Variants in C2orf74 observed in about 807,000 individuals in gnomAD.
The protein encoded by C2orf74 is DPM1 ER membrane anchor 1.
C2orf74 carries 14 observed loss-of-function variants against 17.9 expected under a neutral mutation model. The ratio of observed to expected loss-of-function variants is 0.78; its 90% CI spans 0.52 to 1.22. The LOEUF (loss-of-function observed/expected upper bound fraction) is 1.22, where lower values mean the gene tolerates loss of function less well. Ranked by LOEUF, C2orf74 falls within the 50% of genes most tolerant of loss-of-function variation. The probability of loss-of-function intolerance (pLI) is 0.00; values close to 1 mark genes in which losing one functional copy is unlikely to be tolerated. For missense variants in C2orf74, 217 were observed against 218.4 expected (o/e 0.99, Z 0.04); for synonymous variants, 79 against 72.6 (o/e 1.09, Z -0.44).
At chr2:61,155,590 G>A (rs373244474) in intron 1 of C2orf74, among the ~76,000 whole-genome samples, 9 of 151,996 alleles carry the variant, frequency 5.9e-5, no homozygotes, top group East Asian at 3.9e-4. Flanking sequence ...GCGCGATCTC[G>A]GCTCACTGCA....
chr2:61,154,628 A>G (rs1463209427), intron 1 of C2orf74, among the ~76,000 whole-genome samples: 6 of 152,210 alleles, frequency 3.9e-5, no homozygotes, highest in Admixed American at 2.0e-4. Context: ...TGTAAATCCA[A>G]AAACATCCTA....
At chr2:61,160,318 G>T (rs564410025), upstream of C2orf74, among the ~76,000 whole-genome samples, 66 of 152,070 alleles carry the variant, frequency 4.3e-4, no homozygotes, top group African/African-American at 1.5e-3. Flanking sequence ...CTGCCCCCAC[G>T]CCTGGCTAAT....
intron 3 of C2orf74, 42 bp downstream of exon 3, chr2:61,162,997 G>C: frequency 6.4e-7 from 1 of 1,551,842 alleles, no homozygotes; most frequent in Non-Finnish European, 8.7e-7. Context: ...TTTTGTGTTT[G>C]ATAGTGGGGA....
chr2:61,151,143 C>G (rs1685215937), intron 1 of C2orf74, among the ~76,000 whole-genome samples: 1 of 151,420 alleles, frequency 6.6e-6, no homozygotes, highest in Non-Finnish European at 1.5e-5. Flanking sequence ...TGGTGAAACC[C>G]CGTCTCTACT....
upstream of C2orf74, among the ~76,000 whole-genome samples, chr2:61,159,034 G>T (rs1363108167): frequency 6.6e-6 from 1 of 152,064 alleles, no homozygotes; most frequent in African/African-American, 2.4e-5. Context: ...GTCTCACTCT[G>T]TCGCCAGGCT....
chr2:61,161,366 C>G (rs1165258958), upstream of C2orf74, among the ~76,000 whole-genome samples: 1 of 152,176 alleles, frequency 6.6e-6, no homozygotes, highest in African/African-American at 2.4e-5. Context: ...TTGTAGGATT[C>G]TCACATATGG....
Position 61,164,415 on chromosome 2 carries a change from A to C in C2orf74, c.452A>C (p.Gln151Pro). 1 of 1,549,876 alleles carries C rather than the reference A, an allele frequency of 6.5e-7. No individual in the cohort carries two copies. The highest frequency in any genetic ancestry group is 8.7e-7 in the Non-Finnish European group (1 of 1,146,188). ...VTRTPSVVESQKRPLKGVTFS... is the reference protein window; with the variant it reads ...VTRTPSVVESPKRPLKGVTFS... The stretch of plus-strand genomic sequence containing the variant: ...AGAACTCCTTCAGTTGTTGAAAGCC[A>C]AAAAAGACCTTTAAAAGGAGTGACA... The change falls in exon 5 of 5, where the codon CAA becomes CCA. Residue 151 changes from glutamine (Q) to proline (P), a missense_variant. Transcript: ENST00000432605.
chr2:61,149,938 A>C (rs1362673959), intron 1 of C2orf74, among the ~76,000 whole-genome samples: 2 of 152,104 alleles, frequency 1.3e-5, no homozygotes, highest in Non-Finnish European at 2.9e-5. Context: ...ATTTTCATGA[A>C]GGCAGATTTG....
upstream of C2orf74, among the ~76,000 whole-genome samples, chr2:61,159,602 T>G (rs1443549328): frequency 6.6e-6 from 1 of 152,178 alleles, no homozygotes; most frequent in Non-Finnish European, 1.5e-5. Context: ...GGCCAAGAAC[T>G]AAGTCTTAAA....
intron 1 of C2orf74, among the ~76,000 whole-genome samples, chr2:61,148,190 A>G (rs1224605177): frequency 1.4e-5 from 2 of 148,136 alleles, no homozygotes; most frequent in African/African-American, 4.9e-5. Context: ...AAAAATATAT[A>G]TGTATATATT....
intron 1 of C2orf74, among the ~76,000 whole-genome samples, chr2:61,156,034 C>T (rs1685381700): frequency 6.6e-6 from 1 of 151,128 alleles, no homozygotes; most frequent in South Asian, 2.1e-4. Flanking sequence ...CGTGTCTCTA[C>T]AAAAAAATTA....
intron 1 of C2orf74, among the ~76,000 whole-genome samples, chr2:61,149,390 G>T (rs1370073346): frequency 6.6e-6 from 1 of 151,958 alleles, no homozygotes; most frequent in African/African-American, 2.4e-5. Flanking sequence ...CAGCTGCCCG[G>T]GGTGTTTATA....
intron 1 of C2orf74, among the ~76,000 whole-genome samples, chr2:61,154,214 A>G (rs1484397120): frequency 1.4e-5 from 2 of 147,162 alleles, no homozygotes; most frequent in African/African-American, 2.5e-5. Flanking sequence ...AGCCTGGGCA[A>G]TAAGAGCGAA....
intron 1 of C2orf74, among the ~76,000 whole-genome samples, chr2:61,147,267 A>G (rs1377358295): frequency 6.6e-6 from 1 of 151,080 alleles, no homozygotes; most frequent in Non-Finnish European, 1.5e-5. Context: ...GAGACTGCAC[A>G]ATGGCGCCAT....
chr2:61,146,918 G>C (rs986191449), intron 1 of C2orf74, among the ~76,000 whole-genome samples: 111 of 152,174 alleles, frequency 7.3e-4, no homozygotes, highest in Middle Eastern at 6.8e-3. Flanking sequence ...GGAAGACTGA[G>C]ACAGGAGGAT....
chr2:61,155,186 A>G (rs1204841662), intron 1 of C2orf74, among the ~76,000 whole-genome samples: 1 of 152,246 alleles, frequency 6.6e-6, no homozygotes, highest in Non-Finnish European at 1.5e-5. Flanking sequence ...TTTTAATTCA[A>G]CAAAGAGAAA....
intron 1 of C2orf74, among the ~76,000 whole-genome samples, chr2:61,152,571 G>A (rs1345588438): frequency 8.0e-5 from 12 of 150,382 alleles, no homozygotes; most frequent in African/African-American, 1.2e-4. Context: ...AGCTGGGGCC[G>A]GGCGCAGTGG....
At chr2:61,163,281 G>GA in intron 4 of C2orf74, 49 bp downstream of exon 4, 2 of 1,520,198 alleles carry the variant, frequency 1.3e-6, no homozygotes, top group Non-Finnish European at 1.8e-6. Flanking sequence ...TTGTTTGATT[G>GA]AAAATAAGGT....
chr2:61,146,066 A>C (rs887141544), intron 1 of C2orf74, among the ~76,000 whole-genome samples: 3 of 152,250 alleles, frequency 2.0e-5, no homozygotes, highest in African/African-American at 7.2e-5. Flanking sequence ...ATACACTTGC[A>C]TACATGTAAA....
Sources: gnomAD v4.1 joint callset for allele counts (sites outside exome capture counted in the v4.1 genomes callset) on GRCh38, gnomAD v4.1.1 for gene constraint, MANE v1.5 for transcripts, NCBI Gene and HGNC (gene_info 2026-07-23, HGNC 2026-07-21) for gene names.